Variants in SLC25A25 observed in about 807,000 individuals in gnomAD.
SLC25A25 encodes mitochondrial adenyl nucleotide antiporter SLC25A25.
In SLC25A25, 32 loss-of-function variants were observed where a neutral mutation model predicts 57.7. The observed-to-expected ratio is 0.55, with a 90% CI of 0.42 to 0.74. The LOEUF is 0.74. Among genes scored for constraint, SLC25A25 ranks in the 30% least tolerant of loss-of-function variants. SLC25A25 has a pLI of 0.00. For missense variants in SLC25A25, 556 were observed against 701.3 expected (o/e 0.79, Z 2.34); for synonymous variants, 306 against 291.2 (o/e 1.05, Z -0.52).
At chr9:128,071,202 C>G (rs530497376) in intron 1 of SLC25A25, among the ~76,000 whole-genome samples, 2 of 152,004 alleles carry the variant, frequency 1.3e-5, no homozygotes, top group Non-Finnish European at 2.9e-5. Flanking sequence ...GTGAATTTCT[C>G]GGGGCAAATA....
chr9:128,083,570 C>T (rs1300311105), intron 1 of SLC25A25, among the ~76,000 whole-genome samples: 3 of 133,872 alleles, frequency 2.2e-5, no homozygotes, highest in Non-Finnish European at 4.6e-5. Context: ...AGTGCAGTGG[C>T]GCGATCTCCG....
rs780520323 is a variant in SLC25A25, at chr9:128,106,347, G to C, written c.1045-6G>C. The C allele has an allele frequency of 1.5e-5, 24 of 1,613,640 alleles. No homozygotes were observed. The South Asian group carries it at 2.5e-4, about 17-fold the overall frequency. ...GCTCACGCGTCCCGCTGCTCCTGTT[G>C]TGCAGGTCCTGAAGACCCGGATGGC... On this transcript the variant is annotated splice_region_variant and splice_polypyrimidine_tract_variant and intron_variant, in intron 8 of 10. Coordinates refer to ENST00000373069, the MANE Select transcript of SLC25A25 (RefSeq NM_001330988.2).
rs1834009101 is a variant in SLC25A25, at chr9:128,105,878, G to A, written c.933G>A (p.Glu311=). Residue 311 remains glutamate (E), a synonymous_variant, in exon 7 of 11, where the codon GAG becomes GAA. Transcript: ENST00000373069. ...CAGCCATCAAATTCATGGCCTATGAGCAGGTGAGGACCCAGCTCCTCAGGA... is the reference window on the plus strand; with the variant it reads ...CAGCCATCAAATTCATGGCCTATGAACAGGTGAGGACCCAGCTCCTCAGGA... ...PESAIKFMAY[E]QIKRLVGSDQ... is the part of the protein sequence containing the mutation. The A allele has an allele frequency of 3.1e-6, 5 of 1,614,014 alleles. No homozygotes were observed. Among genetic ancestry groups the A allele is most frequent in the Non-Finnish European group, 4.2e-6 (5 of 1,179,960 alleles).
At chr9:128,082,109 G>A (rs985626872) in intron 1 of SLC25A25, among the ~76,000 whole-genome samples, 1 of 152,152 alleles carries the variant, frequency 6.6e-6, no homozygotes, top group Non-Finnish European at 1.5e-5. Flanking sequence ...AAGGGGACTG[G>A]CTTTTCACCA....
intron 1 of SLC25A25, chr9:128,091,238 A>T: frequency 5.8e-6 from 1 of 172,488 alleles, no homozygotes; most frequent in Non-Finnish European, 1.2e-5. Context: ...TACTTTTGCT[A>T]CGGAGCCAGC....
intron 1 of SLC25A25, among the ~76,000 whole-genome samples, chr9:128,088,749 G>GC (rs1172752005): frequency 2.0e-5 from 3 of 152,182 alleles, no homozygotes; most frequent in Non-Finnish European, 4.4e-5. Context: ...TTTGCCGGAA[G>GC]CCCTTGAACT....
chr9:128,081,179 C>A (rs990462646), intron 1 of SLC25A25, among the ~76,000 whole-genome samples: 3 of 152,176 alleles, frequency 2.0e-5, no homozygotes, highest in Non-Finnish European at 2.9e-5. Context: ...TGCCCTCCCA[C>A]CCTGAACAGC....
chr9:128,078,922 A>G (rs1248115236), intron 1 of SLC25A25, among the ~76,000 whole-genome samples: 1 of 152,130 alleles, frequency 6.6e-6, no homozygotes, highest in Non-Finnish European at 1.5e-5. Context: ...AGTTTATGAC[A>G]TTGACATACC....
chr9:128,096,042 A>G (rs1391978158), intron 1 of SLC25A25, among the ~76,000 whole-genome samples: 2 of 152,218 alleles, frequency 1.3e-5, no homozygotes, highest in African/African-American at 2.4e-5. Context: ...CTAAAATGAG[A>G]TATTCAACAG....
chr9:128,097,064 C>T (rs1833581311), intron 1 of SLC25A25, among the ~76,000 whole-genome samples: 1 of 152,222 alleles, frequency 6.6e-6, no homozygotes, highest in Admixed American at 6.5e-5. Flanking sequence ...GAGTTAACAA[C>T]AAGCGTTTTA....
rs938733255 is a variant in SLC25A25, at chr9:128,101,963, G to C, written c.477-117G>C. On this transcript the variant is annotated intron_variant, in intron 3 of 10. Coordinates refer to ENST00000373069, the MANE Select transcript of SLC25A25 (RefSeq NM_001330988.2). This position sits in a 1 kb window ranked among gnomAD's most constrained non-coding sequence, Gnocchi z 4.9. ...TGGGCTCAGCTGCTGTGGCGGGCTC[G>C]TCTCGTGCCGTGCTGTGCCCCTGTC... 3.4e-6 allele frequency: 4 copies of C among 1,191,462 alleles called. No individual in the cohort carries two copies. In the African/African-American group the frequency reaches 6.0e-5, roughly 18 times the overall value. The allele number at this position is 1,191,462 out of a possible 1,614,324, so 73.8% of individuals were successfully genotyped here.
chr9:128,108,184 C>T lies in SLC25A25; in HGVS notation c.*740C>T. On this transcript the variant is annotated 3_prime_UTR_variant, in exon 11 of 11. Coordinates refer to ENST00000373069, the MANE Select transcript of SLC25A25 (RefSeq NM_001330988.2). Reference sequence around the variant, plus strand: ...GGCCTGGACCCTGTCAGGATGGGCCCCACCTCAGAACCAAACTCACTGTCC... The same window carrying T: ...GGCCTGGACCCTGTCAGGATGGGCCTCACCTCAGAACCAAACTCACTGTCC... 2.5e-6 allele frequency: 1 copy of T among 399,214 alleles called. No individual in the cohort carries two copies. Among genetic ancestry groups the T allele is most frequent in the East Asian group, 3.6e-5 (1 of 28,086 alleles). 24.7% of individuals were successfully genotyped at this position (399,214 alleles called of 1,614,324 possible). A position where few individuals can be genotyped will look rare whatever the true frequency, so the allele number is the denominator to read the frequency against.
chr9:128,105,763 T>A lies in SLC25A25; in HGVS notation c.818T>A (p.Val273Asp). 6.2e-7 allele frequency: 1 copy of A among 1,613,860 alleles called. No individual in the cohort carries two copies. The highest frequency in any genetic ancestry group is 2.2e-5 in the East Asian group (1 of 44,884). ...HASRSNNMGIVGGFTQMIREG... is the reference protein window; with the variant it reads ...HASRSNNMGIDGGFTQMIREG... ...TCCCGCAGCAACAACATGGGCATCG[T>A]TGGTGGCTTCACTCAGATGATTCGA... Residue 273 changes from valine to aspartate, a missense_variant, in exon 7 of 11, where the codon GTT becomes GAT. Physicochemically the swap from Val to Asp is radical, Grantham distance 152 (BLOSUM62 -3). Transcript: ENST00000373069.
In SLC25A25 at chr9:128,101,712, C is replaced by CG. The variant is rs1230156985; in HGVS notation, c.476+322dup. Reference sequence around the variant, plus strand: ...TGCGTGTGGAGGGGGCGGGGCGGGGCGGGGGGCTCACACTGCAGCCTCGTT... The same window carrying CG: ...TGCGTGTGGAGGGGGCGGGGCGGGGCGGGGGGGCTCACACTGCAGCCTCGTT... On this transcript the variant is annotated intron_variant, in intron 3 of 10. Coordinates refer to ENST00000373069, the MANE Select transcript of SLC25A25 (RefSeq NM_001330988.2). This position sits in a 1 kb window ranked among gnomAD's most constrained non-coding sequence, Gnocchi z 4.9. 1.3e-4 allele frequency among the ~76,000 whole-genome samples: 7 copies of CG among 52,622 alleles called. No individual in the cohort carries two copies. Among genetic ancestry groups the CG allele is most frequent in the South Asian group, 1.2e-3 (2 of 1,710 alleles). 34.5% of individuals were successfully genotyped at this position (52,622 alleles called of 152,430 possible).
At position 128,107,395 on chromosome 9, in the gene SLC25A25, A is replaced by C; in HGVS notation, c.1499A>C (p.Tyr500Ser). The C allele has an allele frequency of 6.6e-7, 1 of 1,511,032 alleles. No individual in the cohort carries two copies. The highest frequency in any genetic ancestry group is 8.9e-7 in the Non-Finnish European group (1 of 1,128,720). 93.6% of individuals were successfully genotyped at this position (1,511,032 alleles called of 1,614,324 possible). The change falls in exon 11 of 11, where the codon TAC becomes TCC. Residue 500 changes from tyrosine to serine, a missense_variant. Tyr to Ser is a moderately radical substitution (Grantham distance 144). This residue lies in a region of SLC25A25 where 294 missense variants were observed against 389.6 expected (regional missense o/e 0.75). Transcript: ENST00000373069. ...GTCATCCCAGCTGTGAGCATCAGCT[A>C]CGTGGTCTACGAGAACCTGAAGATC... ...MKVIPAVSIS[Y>S]VVYENLKITL...
Position 128,083,676 on chromosome 9 carries a change from A to AT in SLC25A25, c.261+15111dup, listed in dbSNP as rs11367855. On this transcript the variant is annotated intron_variant, in intron 1 of 10. Transcript: ENST00000373069. The stretch of plus-strand genomic sequence containing the variant: ...AGGCACCCAACACCACGCCCAGCGA[A>AT]TTTTTTTTTTTTTTTGTATTTTTAG... Among the ~76,000 whole-genome samples, 90 of 143,210 alleles carry AT rather than the reference A, an allele frequency of 6.3e-4. 3 individuals are homozygous for AT. The highest frequency in any genetic ancestry group is 1.8e-3 in the African/African-American group (71 of 39,126). 94.0% of individuals were successfully genotyped at this position (143,210 alleles called of 152,430 possible). A position where few individuals can be genotyped will look rare whatever the true frequency, so the allele number is the denominator to read the frequency against.
Position 128,101,794 on chromosome 9 carries a change from C to T in SLC25A25, c.477-286C>T, listed in dbSNP as rs369103926. 3.5e-4 allele frequency among the ~76,000 whole-genome samples: 53 copies of T among 152,314 alleles called. No individual in the cohort carries two copies. The highest frequency in any genetic ancestry group is 1.2e-3 in the African/African-American group (51 of 41,564). On this transcript the variant is annotated intron_variant, in intron 3 of 10. Coordinates refer to ENST00000373069, the MANE Select transcript of SLC25A25 (RefSeq NM_001330988.2). This position sits in a 1 kb window ranked among gnomAD's most constrained non-coding sequence, Gnocchi z 4.9. ...TTGCACTTAACACTTTAGTCAGAGG[C>T]GCTGCCCCAAAAGATAGCTCCCTGG...
chr9:128,068,688 A>T, intron 1 of SLC25A25, 108 bp downstream of exon 1: 1 of 1,222,122 alleles, frequency 8.2e-7, no homozygotes, highest in Non-Finnish European at 1.1e-6. Context: ...CACTGTCCAG[A>T]GGAAGGGTGC....
rs1833837993 is a variant in SLC25A25, at chr9:128,102,375, A to AT, written c.519dup (p.Lys174Ter). 6.2e-7 allele frequency: 1 copy of AT among 1,613,792 alleles called. No individual in the cohort carries two copies. Among genetic ancestry groups the AT allele is most frequent in the Non-Finnish European group, 8.5e-7 (1 of 1,179,882 alleles). ...GCCTCGCCTCTGTCTTGCAGCATGG[A>AT]TAAAAACGGCACGATGACCATTGAC... On this transcript the variant is annotated frameshift_variant, in exon 5 of 11. Transcript: ENST00000373069. LOFTEE classifies it high-confidence loss of function. The surrounding 1 kb of genome is among the most constrained non-coding windows in gnomAD (Gnocchi z 4.1).
Sources: gnomAD v4.1 joint callset for allele counts (sites outside exome capture counted in the v4.1 genomes callset) on GRCh38, gnomAD v4.1.1 for gene constraint, gnomAD v4.1.1 regional missense constraint, Gnocchi (gnomAD v3.1) non-coding constraint, MANE v1.5 for transcripts, NCBI Gene and HGNC (gene_info 2026-07-23, HGNC 2026-07-21) for gene names.